Variants in SDK1 observed in about 807,000 individuals in gnomAD.
The protein encoded by SDK1 is sidekick cell adhesion molecule 1.
Under a neutral mutation model 245.5 loss-of-function variants are expected in SDK1, and 157 were observed. The observed-to-expected ratio is 0.64, with a 90% CI of 0.56 to 0.73. The LOEUF (loss-of-function observed/expected upper bound fraction) is 0.73. SDK1 is among the 30% of genes least tolerant of loss of function. SDK1 has a pLI of 0.00. For missense variants in SDK1, 3,583 were observed against 3,002.3 expected (o/e 1.19, Z -4.52); for synonymous variants, 1,647 against 1,278.5 (o/e 1.29, Z -6.15).
intron 14 of SDK1, among the ~76,000 whole-genome samples, chr7:3,989,189 C>G (rs2128140133): frequency 6.6e-6 from 1 of 152,354 alleles, no homozygotes; most frequent in South Asian, 2.1e-4. Flanking sequence ...TAATGGAGAA[C>G]TCACAGTTCC....
At chr7:3,474,192 T>G (rs1781276344) in intron 1 of SDK1, among the ~76,000 whole-genome samples, 1 of 136,352 alleles carries the variant, frequency 7.3e-6, no homozygotes, top group African/African-American at 2.7e-5. Flanking sequence ...AACCTCTGCC[T>G]CCTGGGTTCA....
chr7:4,187,740 G>A (rs1046679020), intron 35 of SDK1, among the ~76,000 whole-genome samples: 2 of 152,212 alleles, frequency 1.3e-5, no homozygotes, highest in Admixed American at 6.5e-5. Flanking sequence ...TTGGGGTTCT[G>A]GGAAGGGAAC....
Position 4,268,872 on chromosome 7 carries a change from C to A in SDK1, c.*3488C>A. 1 of 543,414 alleles carries A rather than the reference C, an allele frequency of 1.8e-6. No homozygotes were observed. The allele number at this position is 543,414 out of a possible 1,614,324, so 33.7% of individuals were successfully genotyped here. On this transcript the variant is annotated 3_prime_UTR_variant, in exon 45 of 45. Transcript: ENST00000404826. ...GGGAGCCGTCAGGTCCCTAAACGTT[C>A]CCTACAACTTTTTCTGAAATTGTGC... is the stretch of plus-strand genomic sequence containing the variant.
At chr7:3,538,293 G>A (rs901677090) in intron 1 of SDK1, among the ~76,000 whole-genome samples, 1 of 152,020 alleles carries the variant, frequency 6.6e-6, no homozygotes, top group Non-Finnish European at 1.5e-5. Context: ...CCAGCTGTCC[G>A]CATTTTGTCT....
intron 1 of SDK1, among the ~76,000 whole-genome samples, chr7:3,517,532 T>C (rs1562534831): frequency 6.6e-6 from 1 of 152,298 alleles, no homozygotes; most frequent in East Asian, 1.9e-4. Flanking sequence ...TATTGACCTG[T>C]TGCATTAGGA....
intron 1 of SDK1, among the ~76,000 whole-genome samples, chr7:3,349,744 C>T (rs1780607649): frequency 6.7e-6 from 1 of 150,338 alleles, no homozygotes; most frequent in African/African-American, 2.5e-5. Context: ...GGCCTACAGG[C>T]ACCTGCCACC....
intron 4 of SDK1, among the ~76,000 whole-genome samples, chr7:3,695,228 C>T (rs557050908): frequency 4.6e-5 from 7 of 152,218 alleles, no homozygotes; most frequent in East Asian, 1.9e-4. Context: ...TAAGTATTTC[C>T]GTCTAAGAAT....
At chr7:3,450,453 G>C (rs1216790305) in intron 1 of SDK1, among the ~76,000 whole-genome samples, 1 of 152,160 alleles carries the variant, frequency 6.6e-6, no homozygotes, top group Non-Finnish European at 1.5e-5. Flanking sequence ...TGGGATGTTT[G>C]AGAGAGATTT....
chr7:4,032,847 G>GT (rs1166757865), intron 17 of SDK1, among the ~76,000 whole-genome samples: 2 of 152,212 alleles, frequency 1.3e-5, no homozygotes, highest in Non-Finnish European at 2.9e-5. Flanking sequence ...AACGGACCGT[G>GT]TTTTTGAACA....
chr7:3,309,733 C>T (rs1230618554), intron 1 of SDK1, among the ~76,000 whole-genome samples: 2 of 152,072 alleles, frequency 1.3e-5, no homozygotes, highest in African/African-American at 4.8e-5. Context: ...TTTTATGTAA[C>T]ACCTTTAAAA....
At position 3,821,586 on chromosome 7, in the gene SDK1, G is replaced by T; in HGVS notation, c.847+3G>T. On this transcript the variant is annotated splice_donor_region_variant and intron_variant, in intron 5 of 44. Transcript: ENST00000404826. ...ATTCATTCATTTGAGCATAGCAAGT[G>T]AGTTTTGAAATCCCAAATGGTAATT... is the stretch of plus-strand genomic sequence containing the variant. 6.2e-7 allele frequency: 1 copy of T among 1,611,766 alleles called. No individual in the cohort carries two copies. The highest frequency in any genetic ancestry group is 1.3e-5 in the African/African-American group (1 of 74,916).
intron 4 of SDK1, among the ~76,000 whole-genome samples, chr7:3,782,497 A>G (rs1780776807): frequency 1.3e-5 from 2 of 152,178 alleles, no homozygotes; most frequent in South Asian, 4.1e-4. Flanking sequence ...CAACCCATAG[A>G]AGAGTTTACC....
At chr7:3,574,123 C>CTTT (rs762606484) in intron 1 of SDK1, among the ~76,000 whole-genome samples, 1 of 143,522 alleles carries the variant, frequency 7.0e-6, no homozygotes, top group Non-Finnish European at 1.5e-5. Flanking sequence ...TTTTTTTTTT[C>CTTT]TTTTTTTTTT....
chr7:3,821,527 T>G lies in SDK1; in HGVS notation c.791T>G (p.Val264Gly). The G allele has an allele frequency of 6.2e-7, 1 of 1,613,810 alleles. No homozygotes were observed. Among genetic ancestry groups the G allele is most frequent in the Non-Finnish European group, 8.5e-7 (1 of 1,179,882 alleles). The change falls in exon 5 of 45, where the codon GTG becomes GGG. Residue 264 changes from valine (V) to glycine (G), a missense_variant. Transcript: ENST00000404826. ...SDAGAYYVQA[V>G]NEKNGENKTS... Reference sequence around the variant, plus strand: ...GCCGGGGCATACTACGTGCAGGCCGTGAATGAGAAAAATGGAGAAAACAAG... The same window carrying G: ...GCCGGGGCATACTACGTGCAGGCCGGGAATGAGAAAAATGGAGAAAACAAG...
At chr7:3,797,776 T>G (rs1778999017) in intron 4 of SDK1, among the ~76,000 whole-genome samples, 1 of 152,152 alleles carries the variant, frequency 6.6e-6, no homozygotes, top group African/African-American at 2.4e-5. Flanking sequence ...TCCTTGATGT[T>G]TTCAGAACTG....
chr7:3,621,771 A>G lies in SDK1; in HGVS notation c.458+2532A>G, dbSNP rs74869133. On this transcript the variant is annotated intron_variant, in intron 2 of 44. Coordinates refer to ENST00000404826, the MANE Select transcript of SDK1 (RefSeq NM_152744.4). ...GGGTGCAAGAGTAAGACAGAGTAAT[A>G]TCAAAGTTCCCACTATTAAAGAATT... 2.7e-3 allele frequency among the ~76,000 whole-genome samples: 413 copies of G among 152,302 alleles called. 2 individuals are homozygous for G. Among genetic ancestry groups the G allele is most frequent in the Non-Finnish European group, 4.9e-3 (332 of 68,026 alleles).
At chr7:3,769,680 G>T (rs1487875162) in intron 4 of SDK1, among the ~76,000 whole-genome samples, 1 of 152,138 alleles carries the variant, frequency 6.6e-6, no homozygotes, top group African/African-American at 2.4e-5. Flanking sequence ...TACCATGTCA[G>T]TGGGACTCCT....
intron 4 of SDK1, among the ~76,000 whole-genome samples, chr7:3,694,221 A>G (rs7808748): frequency 0.82 from 124,262 of 152,108 alleles, 50,901 homozygotes; most frequent in Non-Finnish European, 0.85. Flanking sequence ...TGCCCACTGC[A>G]TAAGACTTCG....
At chr7:3,577,234 A>G (rs1780323699) in intron 1 of SDK1, among the ~76,000 whole-genome samples, 3 of 152,000 alleles carry the variant, frequency 2.0e-5, no homozygotes, top group Admixed American at 2.0e-4. Flanking sequence ...ACACTACTCT[A>G]CAAATCATCA....
Sources: gnomAD v4.1 joint callset for allele counts (sites outside exome capture counted in the v4.1 genomes callset) on GRCh38, gnomAD v4.1.1 for gene constraint, MANE v1.5 for transcripts, NCBI Gene and HGNC (gene_info 2026-07-23, HGNC 2026-07-21) for gene names.